The following RALGAPA1 variants were observed in gnomAD, a reference collection of about 807,000 sequenced individuals.
The protein encoded by RALGAPA1 is Ral GTPase activating protein catalytic subunit alpha 1.
In RALGAPA1, 52 loss-of-function variants were observed where a neutral mutation model predicts 269.6. That is an observed-to-expected ratio of 0.19 (90% CI 0.15 to 0.24). The LOEUF is 0.24. Among genes scored for constraint, RALGAPA1 ranks in the 10% least tolerant of loss-of-function variants. The pLI is 1.00. For missense variants in RALGAPA1, 1,917 were observed against 3,013.9 expected, an observed-to-expected ratio of 0.64 and a Z score of 8.52; for synonymous variants, 817 against 1,008.3, an observed-to-expected ratio of 0.81 and a Z score of 3.60.
At chr14:35,703,032 G>C (rs2067501288) in intron 16 of RALGAPA1, among the ~76,000 whole-genome samples, 1 of 152,044 alleles carries the variant, frequency 6.6e-6, no homozygotes, top group Admixed American at 6.5e-5. Context: ...TTTTCCCCTA[G>C]GGGATAATTT....
At chr14:35,571,818 C>G (rs1416020293) in intron 38 of RALGAPA1, among the ~76,000 whole-genome samples, 1 of 152,168 alleles carries the variant, frequency 6.6e-6, no homozygotes, top group Non-Finnish European at 1.5e-5. Flanking sequence ...GGCTATGGGC[C>G]ACAGTCTGCT....
intron 1 of RALGAPA1, among the ~76,000 whole-genome samples, chr14:35,805,437 G>A (rs2077295775): frequency 1.5e-5 from 2 of 134,566 alleles, no homozygotes; most frequent in Non-Finnish European, 3.1e-5. Context: ...GTGAGACTCC[G>A]TGTCAAAAAA....
chr14:35,708,117 G>A (rs1412217720), intron 16 of RALGAPA1, among the ~76,000 whole-genome samples: 1 of 152,000 alleles, frequency 6.6e-6, no homozygotes, highest in Non-Finnish European at 1.5e-5. Flanking sequence ...AACAAAAATG[G>A]ATTAAAGACT....
intron 1 of RALGAPA1, among the ~76,000 whole-genome samples, chr14:35,797,982 C>G (rs1248354817): frequency 2.0e-5 from 3 of 148,252 alleles, no homozygotes; most frequent in Non-Finnish European, 4.5e-5. Context: ...AAGCAATCCT[C>G]CTGCCTCAGC....
intron 25 of RALGAPA1, 53 bp from the exon 26 acceptor site, chr14:35,671,570 T>C: frequency 1.1e-6 from 1 of 932,008 alleles, no homozygotes. Context: ...ATCTTGAGTA[T>C]CAGCTAATCA....
chr14:35,766,240 GAT>G, intron 4 of RALGAPA1: 1 of 800,404 alleles, frequency 1.2e-6, no homozygotes, highest in East Asian at 2.4e-5. Flanking sequence ...ATCTTAACCA[GAT>G]GTGTGGATGA....
intron 31 of RALGAPA1, among the ~76,000 whole-genome samples, chr14:35,641,669 C>T (rs901753093): frequency 7.2e-5 from 11 of 152,162 alleles, no homozygotes; most frequent in Non-Finnish European, 1.2e-4. Context: ...CATGTCCATA[C>T]TACCCAAATC....
At chr14:35,702,736 T>TAC (rs2067467563) in intron 16 of RALGAPA1, among the ~76,000 whole-genome samples, 1 of 148,084 alleles carries the variant, frequency 6.8e-6, no homozygotes, top group South Asian at 2.1e-4. Context: ...AATATATATA[T>TAC]ATATACATTT....
intron 11 of RALGAPA1, among the ~76,000 whole-genome samples, chr14:35,741,789 C>T (rs2071577615): frequency 6.6e-6 from 1 of 152,200 alleles, no homozygotes; most frequent in Non-Finnish European, 1.5e-5. Context: ...AATGGAACCC[C>T]AGGAACCCAA....
chr14:35,609,477 G>A (rs893242093), intron 35 of RALGAPA1, among the ~76,000 whole-genome samples: 5 of 152,122 alleles, frequency 3.3e-5, no homozygotes, highest in African/African-American at 1.2e-4. Context: ...AATAAAAAGA[G>A]AGAATGAATG....
chr14:35,559,289 T>C (rs1189290837), intron 39 of RALGAPA1, among the ~76,000 whole-genome samples: 1 of 152,206 alleles, frequency 6.6e-6, no homozygotes, highest in Non-Finnish European at 1.5e-5. Flanking sequence ...TCAATTCCTA[T>C]GTCAAATATG....
chr14:35,751,806 CAACAACAAAAAAA>C (rs2141259664), intron 8 of RALGAPA1, among the ~76,000 whole-genome samples: 1 of 112,306 alleles, frequency 8.9e-6, no homozygotes, highest in Non-Finnish European at 2.0e-5. Context: ...ACAACAACAA[CAACAACAAAAAAA>C]AACAAAAAAA....
At chr14:35,617,019 A>G (rs964267638) in intron 35 of RALGAPA1, among the ~76,000 whole-genome samples, 2 of 152,224 alleles carry the variant, frequency 1.3e-5, no homozygotes, top group African/African-American at 4.8e-5. Flanking sequence ...AATAATGATA[A>G]TAATAACTAT....
Position 35,598,342 on chromosome 14 carries a change from T to C in RALGAPA1, c.7054-2553A>G, listed in dbSNP as rs192886310. 9.0e-4 allele frequency among the ~76,000 whole-genome samples: 137 copies of C among 152,062 alleles called. No individual in the cohort carries two copies. In the Middle Eastern group the frequency reaches 0.014, roughly 15 times the overall value. On this transcript the variant is annotated intron_variant, in intron 36 of 41. Coordinates refer to ENST00000680220, the MANE Select transcript of RALGAPA1 (RefSeq NM_001346249.2). ...TGCAGTCACTCTGGCTTTTCTTTGATTGATGTTTGCACAATATAACTTTTT... is the reference window on the plus strand; with the variant it reads ...TGCAGTCACTCTGGCTTTTCTTTGACTGATGTTTGCACAATATAACTTTTT...
intron 35 of RALGAPA1, among the ~76,000 whole-genome samples, chr14:35,606,042 A>C (rs1392989136): frequency 6.6e-6 from 1 of 152,242 alleles, no homozygotes; most frequent in African/African-American, 2.4e-5. Context: ...AAGCATCTTA[A>C]GAGTTGTCTG....
chr14:35,615,286 T>C (rs756570855), intron 35 of RALGAPA1, among the ~76,000 whole-genome samples: 60 of 152,188 alleles, frequency 3.9e-4, no homozygotes, highest in African/African-American at 1.4e-3. Flanking sequence ...TAATAATACA[T>C]ATCATTTTGT....
chr14:35,803,985 A>C (rs1375319561), intron 1 of RALGAPA1, among the ~76,000 whole-genome samples: 1 of 152,152 alleles, frequency 6.6e-6, no homozygotes, highest in Non-Finnish European at 1.5e-5. Flanking sequence ...AAAAGATTTA[A>C]ACACAAACTC....
intron 31 of RALGAPA1, among the ~76,000 whole-genome samples, chr14:35,648,622 C>T (rs535711405): frequency 1.7e-4 from 25 of 151,146 alleles, no homozygotes; most frequent in African/African-American, 6.1e-4. Context: ...GGCAACATAG[C>T]AAAACCCCAT....
chr14:35,719,918 T>C (rs1297473463), intron 16 of RALGAPA1, among the ~76,000 whole-genome samples: 3 of 150,240 alleles, frequency 2.0e-5, no homozygotes, highest in Non-Finnish European at 2.9e-5. Flanking sequence ...GCCTGGCTAA[T>C]TTTTTTTGTA....
Sources: gnomAD v4.1 joint callset for allele counts (sites outside exome capture counted in the v4.1 genomes callset) on GRCh38, gnomAD v4.1.1 for gene constraint, MANE v1.5 for transcripts, NCBI Gene and HGNC (gene_info 2026-07-23, HGNC 2026-07-21) for gene names.